Variants in LIF observed in about 807,000 individuals in gnomAD.
The protein encoded by LIF is LIF interleukin 6 family cytokine.
Under a neutral mutation model 15.0 loss-of-function variants are expected in LIF, and 9 were observed. The observed-to-expected ratio is 0.60, with a 90% CI of 0.36 to 1.04. The LOEUF is 1.04. Among genes scored for constraint, LIF ranks in the 50% least tolerant of loss-of-function variants. The pLI is 0.01. For synonymous variants in LIF, 122 were observed against 119.7 expected, an observed-to-expected ratio of 1.02 and a Z score of -0.13; for missense variants, 240 against 266.7, an observed-to-expected ratio of 0.90 and a Z score of 0.70.
chr22:30,245,159 C>T (rs946226303), intron 1 of LIF, among the ~76,000 whole-genome samples: 9 of 152,276 alleles, frequency 5.9e-5, no homozygotes, highest in East Asian at 1.9e-4. Flanking sequence ...TCTGGGATGA[C>T]GTAAAGATGA....
rs1256255344 is a variant in LIF at position 30,242,625 on chromosome 22, A to C, written c.*1026T>G. ...CAGGTCAGACGCACAGCACGCTTGG[A>C]GCTCAGGGTTCCCTGAGACCCTGAC... On this transcript the variant is annotated 3_prime_UTR_variant, in exon 3 of 3. Transcript: ENST00000249075. 6.6e-6 allele frequency: 1 copy of C among 152,634 alleles called. No individual in the cohort carries two copies. The highest frequency in any genetic ancestry group is 1.5e-5 in the Non-Finnish European group (1 of 68,002). 9.5% of individuals were successfully genotyped at this position (152,634 alleles called of 1,614,324 possible).
chr22:30,244,690 G>C lies in LIF; in HGVS notation c.198+65C>G. ...GGTCCCCTCAACCCAGATCAGGACA[G>C]CCCCTAATGATATTTACAAGCCCCC... On this transcript the variant is annotated intron_variant, in intron 2 of 2. Coordinates refer to ENST00000249075, the MANE Select transcript of LIF (RefSeq NM_002309.5). 4.7e-6 allele frequency: 7 copies of C among 1,473,690 alleles called. No homozygotes were observed. The East Asian group carries it at 9.1e-5, about 19-fold the overall frequency. The allele number at this position is 1,473,690 out of a possible 1,614,324, so 91.3% of individuals were successfully genotyped here.
intron 1 of LIF, among the ~76,000 whole-genome samples, chr22:30,245,901 C>T (rs1042060069): frequency 6.6e-6 from 1 of 152,200 alleles, no homozygotes; most frequent in African/African-American, 2.4e-5. Flanking sequence ...TTGCCCCTCC[C>T]CCAGGGGGGC....
Position 30,241,715 on chromosome 22 carries a change from C to T in LIF, c.*1936G>A. On this transcript the variant is annotated 3_prime_UTR_variant, in exon 3 of 3. Coordinates refer to ENST00000249075, the MANE Select transcript of LIF (RefSeq NM_002309.5). The surrounding 1 kb of genome is among the most constrained non-coding windows in gnomAD (Gnocchi z 4.4). ...GAAGCCAGAACACTGCTCTGAGCAG[C>T]TGCCCCAACTCTGCTGCCTCCTTCC... is the stretch of plus-strand genomic sequence containing the variant. 1 of 152,664 alleles carries T rather than the reference C, an allele frequency of 6.6e-6. No homozygotes were observed. The highest frequency in any genetic ancestry group is 1.5e-5 in the Non-Finnish European group (1 of 68,146). 9.5% of individuals were successfully genotyped at this position (152,664 alleles called of 1,614,324 possible).
In LIF at chr22:30,242,143, C is replaced by T. The variant is rs1928694869; in HGVS notation, c.*1508G>A. The T allele has an allele frequency of 6.5e-6, 1 of 152,784 alleles. No homozygotes were observed. The highest frequency in any genetic ancestry group is 2.4e-5 in the African/African-American group (1 of 41,438). The allele number at this position is 152,784 out of a possible 1,614,324, so 9.5% of individuals were successfully genotyped here. On this transcript the variant is annotated 3_prime_UTR_variant, in exon 3 of 3. Coordinates refer to ENST00000249075, the MANE Select transcript of LIF (RefSeq NM_002309.5). ...GGTGGGCCACAAGGACTGTCTTGCC[C>T]ACTGCTCCAGGGGGCACAATATCTG...
intron 2 of LIF, among the ~76,000 whole-genome samples, chr22:30,244,273 G>A (rs1381901787): frequency 6.6e-6 from 1 of 152,122 alleles, no homozygotes; most frequent in Non-Finnish European, 1.5e-5. Flanking sequence ...CATGCACGCA[G>A]TCATCATTAT....
chr22:30,244,002 C>A lies in LIF; in HGVS notation c.258G>T (p.Val86=). ...NNLDKLCGPN[V]TDFPPFHANG... ...TGGCGTGGAAGGGCGGGAAGTCCGT[C>A]ACGTTGGGGCCACATAGCTTGTCCA... is the stretch of plus-strand genomic sequence containing the variant. The change falls in exon 3 of 3, where the codon GTG becomes GTT. Residue 86 remains valine (V), a synonymous_variant. Coordinates refer to ENST00000249075, the MANE Select transcript of LIF (RefSeq NM_002309.5). The A allele has an allele frequency of 6.2e-7, 1 of 1,613,652 alleles. No individual in the cohort carries two copies. Among genetic ancestry groups the A allele is most frequent in the Non-Finnish European group, 8.5e-7 (1 of 1,179,996 alleles).
chr22:30,244,707 CA>C, intron 2 of LIF, 47 bp downstream of exon 2: 1 of 1,562,942 alleles, frequency 6.4e-7, no homozygotes, highest in Non-Finnish European at 8.8e-7. Context: ...ATGATATTTA[CA>C]AGCCCCCTCC....
rs12170700 is a variant in LIF at position 30,243,555 on chromosome 22, G to C, written c.*96C>G. 1 of 1,530,074 alleles carries C rather than the reference G, an allele frequency of 6.5e-7. No homozygotes were observed. The highest frequency in any genetic ancestry group is 1.7e-5 in the Admixed American group (1 of 59,718). The allele number at this position is 1,530,074 out of a possible 1,614,324, so 94.8% of individuals were successfully genotyped here. A position where few individuals can be genotyped will look rare whatever the true frequency, so the allele number is the denominator to read the frequency against. On this transcript the variant is annotated 3_prime_UTR_variant, in exon 3 of 3. Coordinates refer to ENST00000249075, the MANE Select transcript of LIF (RefSeq NM_002309.5). This position sits in a 1 kb window ranked among gnomAD's most constrained non-coding sequence, Gnocchi z 6.0. ...TGCCAGCAGCCCCCATTTGGGTTTA[G>C]CGATGCCCTGGGCCCCAGCCACCCT...
Position 30,244,012 on chromosome 22 carries a change from C to T in LIF, c.248G>A (p.Gly83Asp), listed in dbSNP as rs778903122. The T allele has an allele frequency of 6.2e-6, 10 of 1,613,188 alleles. No homozygotes were observed. The highest frequency in any genetic ancestry group is 8.5e-6 in the Non-Finnish European group (10 of 1,179,944). The change falls in exon 3 of 3, where the codon GGC becomes GAC. Residue 83 changes from glycine to aspartate, a missense_variant. Coordinates refer to ENST00000249075, the MANE Select transcript of LIF (RefSeq NM_002309.5). Reference sequence around the variant, plus strand: ...GGGCGGGAAGTCCGTCACGTTGGGGCCACATAGCTTGTCCAGGTTGTTGGG... The same window carrying T: ...GGGCGGGAAGTCCGTCACGTTGGGGTCACATAGCTTGTCCAGGTTGTTGGG... ...PFPNNLDKLC[G>D]PNVTDFPPFH... is the part of the protein sequence containing the mutation.
At chr22:30,245,900 C>T (rs1313973534) in intron 1 of LIF, among the ~76,000 whole-genome samples, 1 of 152,178 alleles carries the variant, frequency 6.6e-6, no homozygotes, top group African/African-American at 2.4e-5. Context: ...TTTGCCCCTC[C>T]CCCAGGGGGG....
Position 30,241,592 on chromosome 22 carries a change from G to A in LIF, c.*2059C>T, listed in dbSNP as rs1381670651. The A allele has an allele frequency of 4.6e-5, 7 of 152,928 alleles. No individual in the cohort carries two copies. The highest frequency in any genetic ancestry group is 2.1e-4 in the South Asian group (1 of 4,832). The allele number at this position is 152,928 out of a possible 1,614,324, so 9.5% of individuals were successfully genotyped here. ...CATCCAGGTAAAGTGCTTAGAGAGC[G>A]ACAGGGAAAGGTGCAAAGTGAGTGA... On this transcript the variant is annotated 3_prime_UTR_variant, in exon 3 of 3. Transcript: ENST00000249075. This position sits in a 1 kb window ranked among gnomAD's most constrained non-coding sequence, Gnocchi z 4.4.
intron 2 of LIF, 72 bp downstream of exon 2, chr22:30,244,683 C>T: frequency 1.4e-6 from 2 of 1,448,738 alleles, no homozygotes; most frequent in South Asian, 2.4e-5. Flanking sequence ...CAACCCAGAT[C>T]AGGACAGCCC....
Position 30,243,601 on chromosome 22 carries a change from G to A in LIF, c.*50C>T. On this transcript the variant is annotated 3_prime_UTR_variant, in exon 3 of 3. Transcript: ENST00000249075. The surrounding 1 kb of genome is among the most constrained non-coding windows in gnomAD (Gnocchi z 6.0). Reference sequence around the variant, plus strand: ...ACCCTTGGACAGGCCCCCACATCTGGACCCAACTCCTGAGATCCCTCGGTT... The same window carrying A: ...ACCCTTGGACAGGCCCCCACATCTGAACCCAACTCCTGAGATCCCTCGGTT... The A allele has an allele frequency of 6.2e-7, 1 of 1,612,462 alleles. No homozygotes were observed. The highest frequency in any genetic ancestry group is 8.5e-7 in the Non-Finnish European group (1 of 1,179,348).
Position 30,240,660 on chromosome 22 carries a change from A to T in LIF, c.*2991T>A, listed in dbSNP as rs1256757397. ...GTGGAAAGGAAGGAGGGAAACCTCT[A>T]AGGCCGCACGGTGGGCCCACGGAGC... On this transcript the variant is annotated 3_prime_UTR_variant, in exon 3 of 3. Coordinates refer to ENST00000249075, the MANE Select transcript of LIF (RefSeq NM_002309.5). The T allele has an allele frequency of 1.3e-5, 2 of 152,688 alleles. No individual in the cohort carries two copies. Among genetic ancestry groups the T allele is most frequent in the Non-Finnish European group, 2.9e-5 (2 of 68,036 alleles). 9.5% of individuals were successfully genotyped at this position (152,688 alleles called of 1,614,324 possible). A position where few individuals can be genotyped will look rare whatever the true frequency, so the allele number is the denominator to read the frequency against.
chr22:30,246,539 C>T, intron 1 of LIF, 138 bp downstream of exon 1: 1 of 1,335,596 alleles, frequency 7.5e-7, no homozygotes, highest in Non-Finnish European at 9.6e-7. Context: ...CACCCAGCGC[C>T]TCCGGTGGCT....
intron 2 of LIF, among the ~76,000 whole-genome samples, chr22:30,244,286 T>G (rs1928789908): frequency 6.6e-6 from 1 of 152,130 alleles, no homozygotes; most frequent in Non-Finnish European, 1.5e-5. Flanking sequence ...ATCATTATCA[T>G]CATCATCATC....
chr22:30,243,538 G>T lies in LIF; in HGVS notation c.*113C>A. 1.5e-6 allele frequency: 2 copies of T among 1,354,402 alleles called. No individual in the cohort carries two copies. The highest frequency in any genetic ancestry group is 2.1e-6 in the Non-Finnish European group (2 of 958,196). The allele number at this position is 1,354,402 out of a possible 1,614,324, so 83.9% of individuals were successfully genotyped here. A position where few individuals can be genotyped will look rare whatever the true frequency, so the allele number is the denominator to read the frequency against. On this transcript the variant is annotated 3_prime_UTR_variant, in exon 3 of 3. Transcript: ENST00000249075. The surrounding 1 kb of genome is among the most constrained non-coding windows in gnomAD (Gnocchi z 6.0). ...CAGGCACCCTCGGGGTCTGCCAGCA[G>T]CCCCCATTTGGGTTTAGCGATGCCC...
At chr22:30,244,191 G>A in intron 2 of LIF, 130 bp from the exon 3 acceptor site, 1 of 854,828 alleles carries the variant, frequency 1.2e-6, no homozygotes, top group South Asian at 1.8e-5. Context: ...TGCCCTGTAA[G>A]CATCTGGAAT....
Sources: allele counts gnomAD v4.1 joint callset (sites outside exome capture counted in the v4.1 genomes callset), GRCh38; gene constraint gnomAD v4.1.1; non-coding constraint Gnocchi (gnomAD v3.1); transcripts MANE v1.5; gene names NCBI Gene and HGNC (gene_info 2026-07-23, HGNC 2026-07-21).